ARHGAP26: variants seen among roughly 807,000 people sequenced by gnomAD.
ARHGAP26 encodes the protein rho GTPase-activating protein 26.
ARHGAP26 carries 38 observed loss-of-function variants against 104.8 expected under a neutral mutation model. That is an observed-to-expected ratio of 0.36 (90% confidence interval 0.28 to 0.48). The LOEUF (loss-of-function observed/expected upper bound fraction) is 0.48, where lower values mean the gene tolerates loss of function less well. Among genes scored for constraint, ARHGAP26 ranks in the 20% least tolerant of loss-of-function variants. ARHGAP26 has a pLI of 0.99. For missense variants in ARHGAP26, 704 were observed against 947.9 expected, an observed-to-expected ratio of 0.74 and a Z score of 3.38; for synonymous variants, 341 against 340.0, an observed-to-expected ratio of 1.00 and a Z score of -0.03.
At chr5:142,829,672 A>G (rs985207024) in intron 1 of ARHGAP26, among the ~76,000 whole-genome samples, 1 of 152,240 alleles carries the variant, frequency 6.6e-6, no homozygotes, top group Non-Finnish European at 1.5e-5. Flanking sequence ...TTATATGTGT[A>G]ATTAGAGAGA....
chr5:142,987,574 A>T (rs1774953154), intron 11 of ARHGAP26, among the ~76,000 whole-genome samples: 1 of 152,146 alleles, frequency 6.6e-6, no homozygotes, highest in Non-Finnish European at 1.5e-5. Flanking sequence ...GTCTTGTGCC[A>T]GTTTTCAAAG....
At chr5:142,902,577 C>T (rs1486915903) in intron 7 of ARHGAP26, among the ~76,000 whole-genome samples, 5 of 152,234 alleles carry the variant, frequency 3.3e-5, no homozygotes, top group Non-Finnish European at 7.3e-5. Flanking sequence ...CAGAATCCTG[C>T]GTAGGGCTTT....
chr5:143,207,794 A>G (rs1176598252), intron 21 of ARHGAP26, among the ~76,000 whole-genome samples: 2 of 152,064 alleles, frequency 1.3e-5, no homozygotes, highest in Non-Finnish European at 2.9e-5. Flanking sequence ...ACATGTGCCA[A>G]CCTTTTCTTT....
In ARHGAP26 at chr5:143,224,544, C is replaced by T. The variant is rs574800343; in HGVS notation, c.*2098C>T. 1 of 231,280 alleles carries T rather than the reference C, an allele frequency of 4.3e-6. No individual in the cohort carries two copies. The highest frequency in any genetic ancestry group is 1.8e-4 in the South Asian group (1 of 5,514). 14.3% of individuals were successfully genotyped at this position (231,280 alleles called of 1,614,324 possible). ...TTTGTCTTTCTTCTCAGGTGTATTTCTTGGTACCCCCAAGATATCAGGCCA... is the reference window on the plus strand; with the variant it reads ...TTTGTCTTTCTTCTCAGGTGTATTTTTTGGTACCCCCAAGATATCAGGCCA... On this transcript the variant is annotated 3_prime_UTR_variant, in exon 23 of 23. Transcript: ENST00000645722.
intron 20 of ARHGAP26, among the ~76,000 whole-genome samples, chr5:143,173,606 G>A (rs185355774): frequency 6.6e-6 from 1 of 152,332 alleles, no homozygotes. Context: ...CTTCTGACAG[G>A]TGGGTATTGT....
intron 18 of ARHGAP26, among the ~76,000 whole-genome samples, chr5:143,127,899 A>G (rs3822385): frequency 0.27 from 41,473 of 152,178 alleles, 8,829 homozygotes; most frequent in African/African-American, 0.58. Flanking sequence ...ACTATGTTGA[A>G]ATAGTCATTG....
chr5:143,128,387 A>G (rs1796958206), intron 18 of ARHGAP26, among the ~76,000 whole-genome samples: 1 of 152,206 alleles, frequency 6.6e-6, no homozygotes, highest in South Asian at 2.1e-4. Flanking sequence ...AGCTGTCTAT[A>G]TATACCCTCA....
At chr5:143,000,714 C>T (rs1428101136) in intron 11 of ARHGAP26, among the ~76,000 whole-genome samples, 3 of 152,286 alleles carry the variant, frequency 2.0e-5, no homozygotes, top group Non-Finnish European at 4.4e-5. Flanking sequence ...AGAATGAGGT[C>T]ATGTCCTTTG....
At chr5:143,157,449 A>G (rs940568535) in intron 20 of ARHGAP26, among the ~76,000 whole-genome samples, 2 of 152,198 alleles carry the variant, frequency 1.3e-5, no homozygotes, top group African/African-American at 4.8e-5. Context: ...AAATGCTGGG[A>G]CTACAGGCGT....
intron 1 of ARHGAP26, chr5:142,771,197 G>A (rs994882890): frequency 1.6e-6 from 2 of 1,285,294 alleles, no homozygotes; most frequent in African/African-American, 1.5e-5. Flanking sequence ...GTGGGCGTGC[G>A]CGGCACGCAG....
chr5:142,781,767 AGT>A (rs1352838484), intron 1 of ARHGAP26, among the ~76,000 whole-genome samples: 1 of 152,146 alleles, frequency 6.6e-6, no homozygotes, highest in Non-Finnish European at 1.5e-5. Flanking sequence ...GCTGGAGTGC[AGT>A]GGTATTATCT....
intron 1 of ARHGAP26, among the ~76,000 whole-genome samples, chr5:142,869,184 CTTTTCT>C (rs1554133962): frequency 9.3e-5 from 12 of 128,626 alleles, no homozygotes; most frequent in Non-Finnish European, 1.4e-4. Flanking sequence ...ACTTTCTTTT[CTTTTCT>C]TTTTCTTTTT....
intron 1 of ARHGAP26, among the ~76,000 whole-genome samples, chr5:142,839,250 T>C (rs1357536819): frequency 1.3e-5 from 2 of 152,232 alleles, no homozygotes; most frequent in Non-Finnish European, 1.5e-5. Flanking sequence ...AAGATTTGAT[T>C]TTCACAGAGT....
intron 11 of ARHGAP26, among the ~76,000 whole-genome samples, chr5:142,932,761 T>C (rs533736667): frequency 1.3e-5 from 2 of 152,262 alleles, no homozygotes; most frequent in East Asian, 3.9e-4. Context: ...AGGGAGGAAA[T>C]GTGTGCAAGG....
chr5:143,080,403 G>A (rs1789635361), intron 17 of ARHGAP26, among the ~76,000 whole-genome samples: 1 of 152,160 alleles, frequency 6.6e-6, no homozygotes, highest in Admixed American at 6.5e-5. Flanking sequence ...GTGCCCTCAG[G>A]TAAGAGTAAG....
chr5:142,958,807 A>T (rs761775402), intron 11 of ARHGAP26, among the ~76,000 whole-genome samples: 4 of 150,554 alleles, frequency 2.7e-5, no homozygotes, highest in Non-Finnish European at 1.5e-5. Flanking sequence ...AGTGGCTCAT[A>T]CCTATAATCC....
At position 142,998,044 on chromosome 5, in the gene ARHGAP26, C is replaced by A. The variant is rs115030773; in HGVS notation, c.1108-16036C>A. 2.7e-3 allele frequency among the ~76,000 whole-genome samples: 409 copies of A among 152,244 alleles called. 1 individual carries two copies. The highest frequency in any genetic ancestry group is 0.01 in the Middle Eastern group (3 of 294). On this transcript the variant is annotated intron_variant, in intron 11 of 22. Coordinates refer to ENST00000645722, the MANE Select transcript of ARHGAP26 (RefSeq NM_001135608.3). ...TGATGAAAATGGAACCAGAAGCTTG[C>A]AGGAACCTAACTGTGTTTCTCCTAG... is the stretch of plus-strand genomic sequence containing the variant.
intron 18 of ARHGAP26, among the ~76,000 whole-genome samples, chr5:143,122,628 G>A (rs1796280861): frequency 6.6e-6 from 1 of 152,164 alleles, no homozygotes; most frequent in East Asian, 1.9e-4. Flanking sequence ...GAGGAGGTTG[G>A]CTTTATAGAC....
At chr5:143,106,222 G>T (rs1479035938) in intron 17 of ARHGAP26, among the ~76,000 whole-genome samples, 3 of 152,154 alleles carry the variant, frequency 2.0e-5, no homozygotes, top group African/African-American at 7.2e-5. Flanking sequence ...CTTCTGTATG[G>T]AAGACTGAGC....
Sources: allele counts gnomAD v4.1 joint callset (sites outside exome capture counted in the v4.1 genomes callset), GRCh38; gene constraint gnomAD v4.1.1; transcripts MANE v1.5; gene names NCBI Gene and HGNC (gene_info 2026-07-23, HGNC 2026-07-21).